TLE4: variants seen among roughly 807,000 people sequenced by gnomAD.
TLE4 encodes the protein TLE family member 4, transcriptional corepressor, also known as transducin-like enhancer protein 4.
A neutral mutation model predicts 92.8 loss-of-function variants in TLE4; 8 were observed. The observed-to-expected ratio is 0.09, with a 90% CI of 0.05 to 0.16. The LOEUF (loss-of-function observed/expected upper bound fraction) is 0.16. Ranked by LOEUF, TLE4 falls within the 10% of genes least tolerant of loss-of-function variation. The pLI, the probability that TLE4 is intolerant of heterozygous loss-of-function variation, is 1.00. For synonymous variants in TLE4, 371 were observed against 374.1 expected, an observed-to-expected ratio of 0.99 and a Z score of 0.10; for missense variants, 675 against 997.6, an observed-to-expected ratio of 0.68 and a Z score of 4.36.
intron 6 of TLE4, among the ~76,000 whole-genome samples, chr9:79,638,303 T>A (rs1046746700): frequency 2.6e-5 from 4 of 152,166 alleles, no homozygotes; most frequent in African/African-American, 9.7e-5. Context: ...TGCTTTGTGA[T>A]AAGCTCTATA....
At chr9:79,573,899 A>T (rs1253153263) in intron 2 of TLE4, 113 bp downstream of exon 2, 1 of 687,442 alleles carries the variant, frequency 1.5e-6, no homozygotes, top group Non-Finnish European at 2.1e-6. Flanking sequence ...CAAAGGTATT[A>T]TTTTTTTTTC....
chr9:79,712,819 T>C (rs1056050411), intron 14 of TLE4, among the ~76,000 whole-genome samples: 1 of 152,242 alleles, frequency 6.6e-6, no homozygotes, highest in African/African-American at 2.4e-5. Context: ...ATGGCTAGTG[T>C]ATAACTATTT....
chr9:79,639,974 A>C (rs539612081), intron 6 of TLE4, among the ~76,000 whole-genome samples: 29 of 152,178 alleles, frequency 1.9e-4, no homozygotes, highest in Non-Finnish European at 2.6e-4. Flanking sequence ...CTGGGGAACT[A>C]CTTAAGTGAA....
intron 8 of TLE4, chr9:79,693,747 T>C: frequency 4.4e-6 from 2 of 451,976 alleles, no homozygotes; most frequent in South Asian, 1.6e-5. Flanking sequence ...GTGCATCATG[T>C]CCTTCGAACC....
At chr9:79,632,858 T>A (rs993394887) in intron 6 of TLE4, among the ~76,000 whole-genome samples, 1 of 152,184 alleles carries the variant, frequency 6.6e-6, no homozygotes, top group Non-Finnish European at 1.5e-5. Flanking sequence ...TTATAAAACA[T>A]GCTGGCCACT....
chr9:79,643,814 T>C (rs1409725742), intron 6 of TLE4, among the ~76,000 whole-genome samples: 2 of 152,210 alleles, frequency 1.3e-5, no homozygotes, highest in African/African-American at 4.8e-5. Context: ...TGAGTCTGTC[T>C]TGCATTAGTT....
chr9:79,612,867 A>G (rs1210069463), intron 5 of TLE4, 149 bp downstream of exon 5: 23 of 659,840 alleles, frequency 3.5e-5, no homozygotes, highest in Non-Finnish European at 4.6e-5. Context: ...TCTCACTCCA[A>G]CTTGTATACC....
At chr9:79,664,917 T>C (rs1372740563) in intron 8 of TLE4, among the ~76,000 whole-genome samples, 2 of 152,192 alleles carry the variant, frequency 1.3e-5, no homozygotes, top group African/African-American at 4.8e-5. Flanking sequence ...TTCTTCCTTA[T>C]GGGTCAACCC....
rs559806971 is a variant in TLE4 at position 79,602,504 on chromosome 9, T to C, written c.253-10152T>C. Among the ~76,000 whole-genome samples the C allele has an allele frequency of 7.9e-5, 12 of 152,348 alleles. No homozygotes were observed. The South Asian group carries it at 2.5e-3, about 32-fold the overall frequency. ...GCGCCTCTAAGAATTATGCTAAATC[T>C]ACCCTGCCTGTGTTCTATAAATGGA... On this transcript the variant is annotated intron_variant, in intron 4 of 19. Coordinates refer to ENST00000376552, the MANE Select transcript of TLE4 (RefSeq NM_007005.6).
At chr9:79,610,085 A>T (rs547428382) in intron 4 of TLE4, among the ~76,000 whole-genome samples, 1 of 152,126 alleles carries the variant, frequency 6.6e-6, no homozygotes, top group East Asian at 1.9e-4. Context: ...TTCTTTGATG[A>T]ATCTGCTCCT....
At chr9:79,628,786 T>C (rs12337384) in intron 6 of TLE4, among the ~76,000 whole-genome samples, 31,480 of 151,974 alleles carry the variant, frequency 0.21, 3,891 homozygotes, top group African/African-American at 0.34. Context: ...CGAATACATT[T>C]CGCAATTGGT....
rs749223303 is a variant in TLE4, at chr9:79,708,746, C to T, written c.1223C>T (p.Ala408Val). Residue 408 changes from alanine to valine, a missense_variant, in exon 13 of 20, where the codon GCC (alanine) becomes GTC (valine). Transcript: ENST00000376552. ...TCCCCTCAGATGAGCGCAGCTGCTG[C>T]CGCCGCCGCTGCTGCTGCTGCCTAT... is the stretch of plus-strand genomic sequence containing the variant. Reference protein sequence around the residue: ...NISPQMSAAAAAAAAAAAYGR... With the variant: ...NISPQMSAAAVAAAAAAAYGR... The T allele has an allele frequency of 2.5e-6, 4 of 1,608,868 alleles. 1 individual carries two copies. In the South Asian group the frequency reaches 3.3e-5, roughly 13 times the overall value.
intron 4 of TLE4, among the ~76,000 whole-genome samples, chr9:79,598,943 C>T (rs1324608734): frequency 6.6e-6 from 1 of 152,168 alleles, no homozygotes; most frequent in Non-Finnish European, 1.5e-5. Flanking sequence ...TAACTGAAAA[C>T]ATCTTGTTGA....
intron 6 of TLE4, among the ~76,000 whole-genome samples, chr9:79,652,389 G>A (rs1052918881): frequency 7.9e-5 from 12 of 152,000 alleles, no homozygotes; most frequent in Admixed American, 2.0e-4. Flanking sequence ...GGATTTCACC[G>A]TGTTAGCCAG....
chr9:79,634,721 A>G (rs1268316394), intron 6 of TLE4, among the ~76,000 whole-genome samples: 2 of 152,082 alleles, frequency 1.3e-5, no homozygotes, highest in African/African-American at 2.4e-5. Flanking sequence ...CTTTTTGACA[A>G]TGTCATGTAA....
chr9:79,691,928 G>A (rs2067166139), intron 8 of TLE4, among the ~76,000 whole-genome samples: 1 of 152,134 alleles, frequency 6.6e-6, no homozygotes, highest in African/African-American at 2.4e-5. Flanking sequence ...ACTAGAACCA[G>A]TGCTCTGTGA....
intron 4 of TLE4, among the ~76,000 whole-genome samples, chr9:79,592,168 TTCCTCTTCCTCTTCC>T (rs2042735571): frequency 7.4e-6 from 1 of 135,668 alleles, no homozygotes; most frequent in Admixed American, 7.4e-5. Flanking sequence ...CTTCTTCTTC[TTCCTCTTCCTCTTCC>T]TCTTCTTCTT....
At chr9:79,674,684 T>G (rs886232796) in intron 8 of TLE4, among the ~76,000 whole-genome samples, 18 of 152,182 alleles carry the variant, frequency 1.2e-4, no homozygotes, top group African/African-American at 4.3e-4. Context: ...GAGTGTAAAC[T>G]TGTCACGTGG....
At chr9:79,641,818 T>C (rs2057201141) in intron 6 of TLE4, among the ~76,000 whole-genome samples, 2 of 152,174 alleles carry the variant, frequency 1.3e-5, no homozygotes, top group South Asian at 4.1e-4. Flanking sequence ...TTGATGCTAA[T>C]ACCATCTCCC....
Sources: gnomAD v4.1 joint callset for allele counts (sites outside exome capture counted in the v4.1 genomes callset) on GRCh38, gnomAD v4.1.1 for gene constraint, MANE v1.5 for transcripts, NCBI Gene and HGNC (gene_info 2026-07-23, HGNC 2026-07-21) for gene names.